The following MPPED2 variants were observed in gnomAD, a reference collection of about 807,000 sequenced individuals.
MPPED2 encodes metallophosphoesterase MPPED2.
MPPED2 carries 5 observed loss-of-function variants against 33.0 expected under a neutral mutation model. That is an observed-to-expected ratio of 0.15 (90% CI 0.08 to 0.32). The LOEUF is 0.32. MPPED2 is among the 10% of genes least tolerant of loss of function. The pLI is 1.00. For missense variants in MPPED2, 275 were observed against 372.1 expected (o/e 0.74, Z 2.15); for synonymous variants, 136 against 141.9 (o/e 0.96, Z 0.29).
intron 4 of MPPED2, among the ~76,000 whole-genome samples, chr11:30,461,704 A>G (rs573029196): frequency 5.3e-5 from 8 of 152,232 alleles, no homozygotes; most frequent in Admixed American, 5.2e-4. Flanking sequence ...AAAAATAGAG[A>G]TGTTCCCTGG....
At chr11:30,433,123 G>A (rs1355149998) in intron 4 of MPPED2, among the ~76,000 whole-genome samples, 1 of 152,184 alleles carries the variant, frequency 6.6e-6, no homozygotes, top group African/African-American at 2.4e-5. Context: ...TAAGGGTAGT[G>A]TTTCTCATAC....
chr11:30,486,722 A>G (rs1044899333), intron 4 of MPPED2, among the ~76,000 whole-genome samples: 6 of 152,194 alleles, frequency 3.9e-5, no homozygotes, highest in Non-Finnish European at 8.8e-5. Context: ...CTTTTATTGA[A>G]CGATGCTCAC....
chr11:30,521,208 G>C (rs1348564139), intron 3 of MPPED2, among the ~76,000 whole-genome samples: 1 of 151,802 alleles, frequency 6.6e-6, no homozygotes, highest in African/African-American at 2.4e-5. Flanking sequence ...TGTGAATCCA[G>C]TATTCACAGA....
chr11:30,518,313 C>T (rs1953655082), intron 3 of MPPED2, among the ~76,000 whole-genome samples: 1 of 152,216 alleles, frequency 6.6e-6, no homozygotes, highest in South Asian at 2.1e-4. Context: ...CCTAGAGCCA[C>T]CTCTGTTTAT....
At chr11:30,585,528 G>A (rs994071892) in intron 1 of MPPED2, among the ~76,000 whole-genome samples, 3 of 152,086 alleles carry the variant, frequency 2.0e-5, no homozygotes, top group Non-Finnish European at 4.4e-5. Flanking sequence ...GGCCGGGGCG[G>A]CTCGAACACA....
At chr11:30,533,003 T>C (rs1310520480) in intron 3 of MPPED2, among the ~76,000 whole-genome samples, 1 of 152,196 alleles carries the variant, frequency 6.6e-6, no homozygotes, top group African/African-American at 2.4e-5. Context: ...TATTAGCACA[T>C]AGCCAAACAG....
chr11:30,545,738 T>C (rs553690436), intron 2 of MPPED2, among the ~76,000 whole-genome samples: 33 of 152,314 alleles, frequency 2.2e-4, no homozygotes, highest in Admixed American at 2.1e-3. Context: ...TCTGCTCCAG[T>C]ATGACTGCTC....
chr11:30,454,054 G>A (rs1190943726), intron 4 of MPPED2, among the ~76,000 whole-genome samples: 1 of 152,168 alleles, frequency 6.6e-6, no homozygotes, highest in Non-Finnish European at 1.5e-5. Context: ...GCATTCCTCT[G>A]AGCAAACAAC....
intron 4 of MPPED2, among the ~76,000 whole-genome samples, chr11:30,463,910 C>G (rs1391112734): frequency 6.7e-6 from 1 of 150,244 alleles, no homozygotes; most frequent in Non-Finnish European, 1.5e-5. Flanking sequence ...AATTTGAACC[C>G]TACAATGGTG....
chr11:30,491,508 T>C (rs1445417721), intron 4 of MPPED2, among the ~76,000 whole-genome samples: 1 of 152,224 alleles, frequency 6.6e-6, no homozygotes, highest in Non-Finnish European at 1.5e-5. Flanking sequence ...CACATCACTA[T>C]TAGTAGTAAT....
chr11:30,465,868 G>A (rs562373991), intron 4 of MPPED2, among the ~76,000 whole-genome samples: 1 of 152,114 alleles, frequency 6.6e-6, no homozygotes, highest in South Asian at 2.1e-4. Flanking sequence ...GCTGATTTGA[G>A]TATACATGGG....
chr11:30,394,348 G>A (rs578113213), intron 6 of MPPED2, among the ~76,000 whole-genome samples: 10 of 152,286 alleles, frequency 6.6e-5, no homozygotes, highest in Admixed American at 5.9e-4. Flanking sequence ...AAACTGCTAA[G>A]CTGTGTTCCA....
intron 4 of MPPED2, among the ~76,000 whole-genome samples, chr11:30,477,743 C>T (rs1326946937): frequency 2.0e-5 from 3 of 152,056 alleles, no homozygotes; most frequent in Middle Eastern, 3.4e-3. Flanking sequence ...GGAAGCATTT[C>T]GTCTTCAAAT....
intron 4 of MPPED2, among the ~76,000 whole-genome samples, chr11:30,489,755 A>G (rs904431947): frequency 2.0e-5 from 3 of 152,206 alleles, no homozygotes; most frequent in Admixed American, 6.5e-5. Context: ...CCCCACTCAT[A>G]TTCATTAAAA....
intron 5 of MPPED2, 148 bp downstream of exon 5, chr11:30,417,370 C>G: frequency 1.8e-6 from 1 of 544,270 alleles, no homozygotes. Flanking sequence ...AATTATCATA[C>G]TGAGTTTCTT....
chr11:30,509,115 C>G (rs1396083808), intron 3 of MPPED2, among the ~76,000 whole-genome samples: 1 of 152,124 alleles, frequency 6.6e-6, no homozygotes, highest in African/African-American at 2.4e-5. Flanking sequence ...TTATATACAT[C>G]ACAAAGTATA....
At chr11:30,432,470 C>G (rs574860705) in intron 4 of MPPED2, among the ~76,000 whole-genome samples, 1 of 151,876 alleles carries the variant, frequency 6.6e-6, no homozygotes, top group Non-Finnish European at 1.5e-5. Flanking sequence ...ACAAAACAGC[C>G]TAAGCTTGAC....
chr11:30,493,370 C>CAA (rs751635120), intron 4 of MPPED2, among the ~76,000 whole-genome samples: 8,284 of 71,996 alleles, frequency 0.12, 418 homozygotes, highest in South Asian at 0.3. Context: ...GACTCCGTCT[C>CAA]AAAAAAAAAA....
chr11:30,465,461 C>T (rs956613063), intron 4 of MPPED2, among the ~76,000 whole-genome samples: 1 of 152,066 alleles, frequency 6.6e-6, no homozygotes, highest in Admixed American at 6.6e-5. Flanking sequence ...CTAAATTTTG[C>T]TTTTATTTTT....
Sources: allele counts gnomAD v4.1 joint callset (sites outside exome capture counted in the v4.1 genomes callset), GRCh38; gene constraint gnomAD v4.1.1; transcripts MANE v1.5; gene names NCBI Gene and HGNC (gene_info 2026-07-23, HGNC 2026-07-21).